SYNE2: variants seen among roughly 807,000 people sequenced by gnomAD.
SYNE2 encodes the protein spectrin repeat containing nuclear envelope protein 2, also known as nesprin-2.
SYNE2 carries 431 observed loss-of-function variants against 856.3 expected under a neutral mutation model. The observed-to-expected ratio is 0.50, with a 90% CI of 0.47 to 0.55. The LOEUF (loss-of-function observed/expected upper bound fraction) is 0.55. Ranked by LOEUF, SYNE2 falls within the 20% of genes least tolerant of loss-of-function variation. The pLI, the probability that SYNE2 is intolerant of heterozygous loss-of-function variation, is 0.00. For missense variants in SYNE2, 8,129 were observed against 8,023.2 expected (o/e 1.01, Z -0.50); for synonymous variants, 2,923 against 2,872.3 (o/e 1.02, Z -0.56).
intron 6 of SYNE2, among the ~76,000 whole-genome samples, chr14:63,949,465 A>G (rs1183231479): frequency 1.3e-5 from 2 of 152,164 alleles, no homozygotes; most frequent in Non-Finnish European, 2.9e-5. Flanking sequence ...CACTTGATCC[A>G]GTCTCTAAAG....
intron 43 of SYNE2, among the ~76,000 whole-genome samples, chr14:64,028,177 C>T (rs1042064415): frequency 6.6e-6 from 1 of 151,986 alleles, no homozygotes; most frequent in Non-Finnish European, 1.5e-5. Flanking sequence ...AGTGCTGGGA[C>T]TACAGACGTG....
intron 78 of SYNE2, among the ~76,000 whole-genome samples, chr14:64,136,602 T>A (rs1363469754): frequency 6.6e-6 from 1 of 152,194 alleles, no homozygotes; most frequent in Non-Finnish European, 1.5e-5. Flanking sequence ...TCCAGCTGTG[T>A]TAGATAATTA....
rs145247655 is a variant in SYNE2 at position 63,974,892 on chromosome 14, G to GTATATATATATATATATATA, written c.1129-1665_1129-1646dup. ...TGTGTGTGTGTGTGTGTGTGTGTGT[G>GTATATATATATATATATATA]TATATATATATATATATATATATAT... On this transcript the variant is annotated intron_variant, in intron 11 of 115. Coordinates refer to ENST00000555002, the MANE Select transcript of SYNE2 (RefSeq NM_182914.3). 5.5e-3 allele frequency among the ~76,000 whole-genome samples: 369 copies of GTATATATATATATATATATA among 67,096 alleles called. 10 individuals carry two copies. The highest frequency in any genetic ancestry group is 7.9e-3 in the Admixed American group (33 of 4,194). The allele number at this position is 67,096 out of a possible 152,430, so 44.0% of individuals were successfully genotyped here.
chr14:64,156,623 T>G (rs1049725430), intron 85 of SYNE2, among the ~76,000 whole-genome samples: 1 of 151,722 alleles, frequency 6.6e-6, no homozygotes, highest in African/African-American at 2.4e-5. Context: ...CACTCCCGGC[T>G]AATTTTTGTA....
At chr14:64,141,314 T>A (rs1348973767) in intron 80 of SYNE2, 27 bp from the exon 81 acceptor site, 2 of 1,591,164 alleles carry the variant, frequency 1.3e-6, no homozygotes, top group Non-Finnish European at 8.6e-7. Flanking sequence ...AAATTTTAAG[T>A]TTCTAAATTT....
At position 64,220,642 on chromosome 14, in the gene SYNE2, G is replaced by T. The variant is rs774599138; in HGVS notation, c.20061+5G>T. 1.9e-6 allele frequency: 3 copies of T among 1,613,328 alleles called. No individual in the cohort carries two copies. Among genetic ancestry groups the T allele is most frequent in the Non-Finnish European group, 2.5e-6 (3 of 1,179,962 alleles). On this transcript the variant is annotated splice_donor_5th_base_variant and intron_variant, in intron 111 of 115. Coordinates refer to ENST00000555002, the MANE Select transcript of SYNE2 (RefSeq NM_182914.3). ...CAGTCGCTCATGCAGTGCCAGGTACGCTGACTCAGCAGCCCGCCTCCCAGA... is the reference window on the plus strand; with the variant it reads ...CAGTCGCTCATGCAGTGCCAGGTACTCTGACTCAGCAGCCCGCCTCCCAGA...
At chr14:63,941,146 T>A (rs1318173761) in intron 3 of SYNE2, among the ~76,000 whole-genome samples, 1 of 152,210 alleles carries the variant, frequency 6.6e-6, no homozygotes, top group Non-Finnish European at 1.5e-5. Context: ...GTCACACAGC[T>A]TAAAAGTGAT....
intron 28 of SYNE2, among the ~76,000 whole-genome samples, chr14:64,001,053 C>T (rs2096750720): frequency 6.6e-6 from 1 of 152,114 alleles, no homozygotes; most frequent in Non-Finnish European, 1.5e-5. Flanking sequence ...TTGATCTCTT[C>T]ATTTCTGAAA....
chr14:64,224,314 G>C (rs988074493), intron 113 of SYNE2, 147 bp from the exon 114 acceptor site: 1 of 770,184 alleles, frequency 1.3e-6, no homozygotes, highest in Non-Finnish European at 2.3e-6. Flanking sequence ...TTGTGCCACT[G>C]CACTCCAGCC....
intron 1 of SYNE2, among the ~76,000 whole-genome samples, chr14:63,836,952 G>C (rs546250530): frequency 3.8e-4 from 58 of 152,174 alleles, no homozygotes; most frequent in Non-Finnish European, 7.3e-4. Flanking sequence ...ATTGTTAGAT[G>C]ATATTCCATT....
intron 103 of SYNE2, 122 bp downstream of exon 103, chr14:64,210,246 T>C: frequency 3.2e-6 from 4 of 1,259,048 alleles, no homozygotes; most frequent in Non-Finnish European, 4.3e-6. Flanking sequence ...CTGAGCTGTT[T>C]TAACAGTCCT....
At chr14:63,800,316 G>A (rs190724928) in intron 1 of SYNE2, among the ~76,000 whole-genome samples, 392 of 152,090 alleles carry the variant, frequency 2.6e-3, no homozygotes, top group Admixed American at 9.9e-3. Context: ...TGCCTCCCAC[G>A]TTCAAGTGAT....
intron 99 of SYNE2, among the ~76,000 whole-genome samples, chr14:64,199,093 G>A (rs2098551134): frequency 6.6e-6 from 1 of 152,202 alleles, no homozygotes; most frequent in Admixed American, 6.5e-5. Flanking sequence ...CATGTATTGA[G>A]CCTTCCAGCC....
At chr14:64,033,529 T>C (rs2097059019) in intron 45 of SYNE2, among the ~76,000 whole-genome samples, 1 of 133,908 alleles carries the variant, frequency 7.5e-6, no homozygotes, top group African/African-American at 2.8e-5. Flanking sequence ...AAAAAAAAAA[T>C]ACAAAAATTA....
intron 45 of SYNE2, among the ~76,000 whole-genome samples, chr14:64,043,446 A>G (rs1402362969): frequency 6.6e-6 from 1 of 152,204 alleles, no homozygotes; most frequent in Non-Finnish European, 1.5e-5. Flanking sequence ...TCTCTAGGGC[A>G]TGTCAGAGGT....
chr14:64,164,569 C>G (rs905241776), intron 89 of SYNE2, among the ~76,000 whole-genome samples: 1 of 152,134 alleles, frequency 6.6e-6, no homozygotes, highest in Non-Finnish European at 1.5e-5. Flanking sequence ...TTTTATAAAG[C>G]CTTTAGTGCA....
intron 107 of SYNE2, chr14:64,215,819 TCATCCTTAGCCC>T: frequency 3.2e-6 from 2 of 619,420 alleles, no homozygotes; most frequent in South Asian, 2.3e-5. Context: ...GCTCTAATCC[TCATCCTTAGCCC>T]CATCCCTATC....
chr14:63,763,641 G>A (rs899951285), intron 1 of SYNE2, among the ~76,000 whole-genome samples: 8 of 152,068 alleles, frequency 5.3e-5, no homozygotes, highest in Admixed American at 3.9e-4. Flanking sequence ...CTTGATACCA[G>A]GAGTTCAAGC....
In SYNE2 at chr14:64,225,433, C is replaced by T. The variant is rs1473688689; in HGVS notation, c.20631C>T (p.Ser6877=). ...TGCTCCTGGCCTGCCTGCTGCCCTC[C>T]TCCGAAGAAGACTACAGCTGCACTC... ...LLLLLACLLP[S]SEEDYSCTQA... is the part of the protein sequence containing the mutation. Residue 6877 remains serine (S), a synonymous_variant, in exon 116 of 116, where the codon TCC becomes TCT. Transcript: ENST00000555002. 1.9e-5 allele frequency: 30 copies of T among 1,614,174 alleles called. No individual in the cohort carries two copies. Among genetic ancestry groups the T allele is most frequent in the Non-Finnish European group, 2.5e-5 (29 of 1,180,000 alleles).
Sources: allele counts gnomAD v4.1 joint callset (sites outside exome capture counted in the v4.1 genomes callset), GRCh38; gene constraint gnomAD v4.1.1; transcripts MANE v1.5; gene names NCBI Gene and HGNC (gene_info 2026-07-23, HGNC 2026-07-21).